Variants in EPHB2 observed in about 807,000 individuals in gnomAD.
EPHB2 encodes the protein ephrin type-B receptor 2.
EPHB2 carries 18 observed loss-of-function variants against 96.4 expected under a neutral mutation model. The ratio of observed to expected loss-of-function variants is 0.19; its 90% CI spans 0.13 to 0.28. The LOEUF (loss-of-function observed/expected upper bound fraction) is 0.28, where lower values mean the gene tolerates loss of function less well. EPHB2 is among the 10% of genes least tolerant of loss of function. The pLI is 1.00. For missense variants in EPHB2, 989 were observed against 1,355.4 expected (o/e 0.73, Z 4.25); for synonymous variants, 506 against 534.1 (o/e 0.95, Z 0.72).
rs1210817809 is a variant in EPHB2, at chr1:22,914,298, A to AC, written c.*733dup. ...AGGTCAGCCTTCCTGAGGATGGGCA[A>AC]CCCCCAGGTCTGCAGCTCCAGGTAC... On this transcript the variant is annotated 3_prime_UTR_variant, in exon 16 of 16. Coordinates refer to ENST00000374630, the MANE Select transcript of EPHB2 (RefSeq NM_017449.5). The AC allele has an allele frequency of 1.8e-5, 3 of 165,602 alleles. No individual in the cohort carries two copies. Among genetic ancestry groups the AC allele is most frequent in the African/African-American group, 7.2e-5 (3 of 41,472 alleles). 10.3% of individuals were successfully genotyped at this position (165,602 alleles called of 1,614,324 possible).
At chr1:22,892,733 T>C in intron 6 of EPHB2, 151 bp from the exon 7 acceptor site, 1 of 992,528 alleles carries the variant, frequency 1.0e-6, no homozygotes, top group Non-Finnish European at 1.6e-6. Context: ...GCAAAAGGCA[T>C]AATTCTATTA....
In EPHB2 at chr1:22,752,929, G is replaced by A. The variant is rs150477875; in HGVS notation, c.62-28492G>A. ...CTCCTGATTAGCTAGGACTACAGGT[G>A]CATGCCATCATGCTGGGCTATGTTT... is the stretch of plus-strand genomic sequence containing the variant. On this transcript the variant is annotated intron_variant, in intron 1 of 15. Transcript: ENST00000374630. 1.8e-3 allele frequency among the ~76,000 whole-genome samples: 271 copies of A among 151,892 alleles called. 1 individual carries two copies. Among genetic ancestry groups the A allele is most frequent in the African/African-American group, 6.2e-3 (256 of 41,480 alleles).
At chr1:22,908,282 G>A (rs1204057376) in intron 12 of EPHB2, 114 bp downstream of exon 12, 1 of 1,283,292 alleles carries the variant, frequency 7.8e-7, no homozygotes, top group African/African-American at 1.5e-5. Context: ...GCACTGTCCT[G>A]GGCCCTGGAG....
At chr1:22,777,044 G>A (rs1473805571) in intron 1 of EPHB2, among the ~76,000 whole-genome samples, 1 of 152,220 alleles carries the variant, frequency 6.6e-6, no homozygotes, top group African/African-American at 2.4e-5. Flanking sequence ...CGTGGCTGCA[G>A]AGCTTTGGGG....
intron 4 of EPHB2, 147 bp downstream of exon 4, chr1:22,863,339 C>A: frequency 7.4e-7 from 1 of 1,351,464 alleles, no homozygotes; most frequent in Non-Finnish European, 1.0e-6. Flanking sequence ...AAGAAAGGGG[C>A]ATCCTGGGGT....
intron 3 of EPHB2, among the ~76,000 whole-genome samples, chr1:22,800,796 A>ACACACACT (rs751937402): frequency 3.1e-5 from 3 of 95,504 alleles, no homozygotes; most frequent in African/African-American, 1.0e-4. Context: ...ACACACACAC[A>ACACACACT]CTCTCTCTCT....
At chr1:22,767,918 T>G (rs1644329142) in intron 1 of EPHB2, among the ~76,000 whole-genome samples, 1 of 152,170 alleles carries the variant, frequency 6.6e-6, no homozygotes, top group South Asian at 2.1e-4. Context: ...TGAGCAGCTC[T>G]CCTGAGAAAC....
intron 1 of EPHB2, among the ~76,000 whole-genome samples, chr1:22,768,155 CCT>C (rs1180437807): frequency 6.6e-6 from 1 of 152,188 alleles, no homozygotes; most frequent in Admixed American, 6.5e-5. Flanking sequence ...GAGGCAGCAG[CCT>C]CTCTCAGAAA....
intron 4 of EPHB2, 34 bp downstream of exon 4, chr1:22,863,226 G>A: frequency 6.2e-7 from 1 of 1,613,788 alleles, no homozygotes; most frequent in Admixed American, 1.7e-5. Flanking sequence ...GCGATGGCTG[G>A]CCGAGTCCCA....
At chr1:22,792,430 T>A (rs1644708043) in intron 3 of EPHB2, among the ~76,000 whole-genome samples, 2 of 152,144 alleles carry the variant, frequency 1.3e-5, no homozygotes, top group Admixed American at 1.3e-4. Flanking sequence ...AGGCCAGGGC[T>A]GAGACCACAC....
At chr1:22,874,497 G>A (rs868280656) in intron 5 of EPHB2, among the ~76,000 whole-genome samples, 1 of 152,186 alleles carries the variant, frequency 6.6e-6, no homozygotes, top group Non-Finnish European at 1.5e-5. Context: ...GGCTACTTAT[G>A]GGTAGGGCCA....
chr1:22,788,732 G>GT (rs1005058490), intron 3 of EPHB2, among the ~76,000 whole-genome samples: 47 of 143,346 alleles, frequency 3.3e-4, no homozygotes, highest in African/African-American at 1.3e-3. Flanking sequence ...ATTTTGTTTT[G>GT]TTTTTTTGTC....
intron 6 of EPHB2, among the ~76,000 whole-genome samples, chr1:22,889,852 T>C (rs1382717414): frequency 6.6e-6 from 1 of 152,234 alleles, no homozygotes; most frequent in African/African-American, 2.4e-5. Flanking sequence ...AAAATAAATG[T>C]TTTAGTACAA....
intron 3 of EPHB2, among the ~76,000 whole-genome samples, chr1:22,802,050 G>T (rs1644851392): frequency 6.6e-6 from 1 of 152,186 alleles, no homozygotes; most frequent in South Asian, 2.1e-4. Flanking sequence ...CTGCTGGGGG[G>T]TGGGGTGCTC....
At chr1:22,745,237 C>T (rs754391387) in intron 1 of EPHB2, among the ~76,000 whole-genome samples, 5 of 152,172 alleles carry the variant, frequency 3.3e-5, no homozygotes, top group Admixed American at 1.3e-4. Flanking sequence ...TTCATTCATA[C>T]GATGGAATAT....
chr1:22,908,360 G>A (rs1639983947), intron 12 of EPHB2, among the ~76,000 whole-genome samples, 192 bp downstream of exon 12: 2 of 152,282 alleles, frequency 1.3e-5, no homozygotes, highest in African/African-American at 4.8e-5. Flanking sequence ...CAAATGTGCA[G>A]AGCCATGTGG....
intron 3 of EPHB2, among the ~76,000 whole-genome samples, chr1:22,832,757 G>A (rs1436663227): frequency 2.0e-5 from 3 of 152,078 alleles, no homozygotes; most frequent in Admixed American, 2.0e-4. Context: ...ACAACCGTTA[G>A]GTGCTCCCAC....
At position 22,875,133 on chromosome 1, in the gene EPHB2, A is replaced by G. The variant is rs367721755; in HGVS notation, c.1304-7226A>G. Among the ~76,000 whole-genome samples the G allele has an allele frequency of 1.2e-4, 19 of 152,328 alleles. 1 individual carries two copies. In the East Asian group the frequency reaches 1.9e-3, roughly 15 times the overall value. Reference sequence around the variant, plus strand: ...CATACCACTCTCTAAGAGGCCCATCAGAAAGAATCAAAGGCCCACTTTCTG... The same window carrying G: ...CATACCACTCTCTAAGAGGCCCATCGGAAAGAATCAAAGGCCCACTTTCTG... On this transcript the variant is annotated intron_variant, in intron 5 of 15. Transcript: ENST00000374630. This position sits in a 1 kb window ranked among gnomAD's most constrained non-coding sequence, Gnocchi z 4.2.
At chr1:22,721,943 GA>G (rs1489487419) in intron 1 of EPHB2, among the ~76,000 whole-genome samples, 2 of 152,026 alleles carry the variant, frequency 1.3e-5, no homozygotes, top group Non-Finnish European at 2.9e-5. Flanking sequence ...ATGCTTATGG[GA>G]AAACTGGTTT....
Sources: allele counts gnomAD v4.1 joint callset (sites outside exome capture counted in the v4.1 genomes callset), GRCh38; gene constraint gnomAD v4.1.1; non-coding constraint Gnocchi (gnomAD v3.1); transcripts MANE v1.5; gene names NCBI Gene and HGNC (gene_info 2026-07-23, HGNC 2026-07-21).